Variants in TCIRG1 observed in about 807,000 individuals in gnomAD.
TCIRG1 encodes the protein V-type proton ATPase 116 kDa subunit a 3.
TCIRG1 carries 86 observed loss-of-function variants against 95.5 expected under a neutral mutation model. The observed-to-expected ratio is 0.90, with a 90% CI of 0.76 to 1.08. The LOEUF (loss-of-function observed/expected upper bound fraction) is 1.08. TCIRG1 is among the 50% of genes least tolerant of loss of function. TCIRG1 has a pLI of 0.00. For synonymous variants in TCIRG1, 499 were observed against 501.3 expected, an observed-to-expected ratio of 1.00 and a Z score of 0.06; for missense variants, 1,069 against 1,140.2, an observed-to-expected ratio of 0.94 and a Z score of 0.90.
At chr11:68,046,447 G>A (rs764335174) in intron 10 of TCIRG1, among the ~76,000 whole-genome samples, 32 of 152,288 alleles carry the variant, frequency 2.1e-4, no homozygotes, top group Middle Eastern at 3.4e-3. Flanking sequence ...TGGAGCGGCC[G>A]TCCTCATCTT....
In TCIRG1 at chr11:68,050,181, C is replaced by T. The variant is rs145718040; in HGVS notation, c.2163C>T (p.Ile721=). ...TCATGCACCAGGCCATCCACACCAT[C>T]GAGTTCTGCCTGGGCTGCGTCTCCA... is the stretch of plus-strand genomic sequence containing the variant. ...EVLMHQAIHT[I]EFCLGCVSNT... The change falls in exon 18 of 20, where the codon ATC becomes ATT. Residue 721 remains isoleucine (I), a synonymous_variant. Transcript: ENST00000265686. 4.2e-4 allele frequency: 677 copies of T among 1,613,704 alleles called. 1 individual carries two copies. In the Middle Eastern group the frequency reaches 4.9e-3, roughly 12 times the overall value.
rs750773647 is a variant in TCIRG1 at position 68,041,740 on chromosome 11, G to C, written c.118-13G>C. ...CTTCCCGGGACACTCACCCCTCCGT[G>C]TGGCACCCACAGCTCAACGCCTCGG... On this transcript the variant is annotated splice_polypyrimidine_tract_variant and intron_variant, in intron 2 of 19. Coordinates refer to ENST00000265686, the MANE Select transcript of TCIRG1 (RefSeq NM_006019.4). 1 of 1,605,138 alleles carries C rather than the reference G, an allele frequency of 6.2e-7. No homozygotes were observed. Among genetic ancestry groups the C allele is most frequent in the South Asian group, 1.1e-5 (1 of 89,562 alleles).
chr11:68,050,903 CTCG>C, downstream of TCIRG1: 1 of 1,446,542 alleles, frequency 6.9e-7, no homozygotes, highest in East Asian at 2.3e-5. Flanking sequence ...GCAGTGATGT[CTCG>C]TCTCTCTTCC....
rs775393308 is a variant in TCIRG1, at chr11:68,050,545, G to A, written c.2295G>A (p.Glu765=). 3.7e-6 allele frequency: 6 copies of A among 1,612,806 alleles called. No individual in the cohort carries two copies. Among genetic ancestry groups the A allele is most frequent in the Non-Finnish European group, 5.1e-6 (6 of 1,180,018 alleles). The change falls in exon 19 of 20, where the codon GAG becomes GAA. Residue 765 remains glutamate, a synonymous_variant. Coordinates refer to ENST00000265686, the MANE Select transcript of TCIRG1 (RefSeq NM_006019.4). ...VMRIGLGLGR[E]VGVAAVVLVP... is the part of the protein sequence containing the mutation. ...GCATAGGCCTGGGCCTGGGCCGGGA[G>A]GTGGGCGTGGCGGCTGTGGTGCTGG...
In TCIRG1 at chr11:68,042,785, C is replaced by T. The variant is rs1018615456; in HGVS notation, c.339C>T (p.Gly113=). 1.3e-6 allele frequency: 2 copies of T among 1,548,068 alleles called. No homozygotes were observed. Among genetic ancestry groups the T allele is most frequent in the African/African-American group, 2.7e-5 (2 of 72,974 alleles). Residue 113 remains glycine, a synonymous_variant, in exon 4 of 20, where the codon GGC becomes GGT. Transcript: ENST00000265686. Reference sequence around the variant, plus strand: ...CCCAGGAGCTGCGGGATGTGCGGGGCAACCAGCAGGCCCTGCGGGCCCAGC... The same window carrying T: ...CCCAGGAGCTGCGGGATGTGCGGGGTAACCAGCAGGCCCTGCGGGCCCAGC... The part of the protein sequence containing the change: ...RLAQELRDVR[G]NQQALRAQLH...
chr11:68,047,080 G>A (rs1439548061), intron 10 of TCIRG1: 8 of 380,950 alleles, frequency 2.1e-5, no homozygotes, highest in Non-Finnish European at 3.5e-5. Context: ...GCGCGAGCTC[G>A]GCTCACTGCA....
intron 5 of TCIRG1, 37 bp downstream of exon 5, chr11:68,043,068 C>G: frequency 1.3e-6 from 2 of 1,549,124 alleles, no homozygotes; most frequent in Non-Finnish European, 1.7e-6. Flanking sequence ...TTCTGGCCAG[C>G]CCAGAACCCC....
Position 68,046,791 on chromosome 11 carries a change from C to G in TCIRG1, c.1166-642C>G. ...CTTGCCATGTGCCAGCTGGGGCTGC[C>G]TGTGGCTCCCTGTCCTCTCTGGCTT... On this transcript the variant is annotated intron_variant, in intron 10 of 19. Coordinates refer to ENST00000265686, the MANE Select transcript of TCIRG1 (RefSeq NM_006019.4). 2 of 447,194 alleles carry G rather than the reference C, an allele frequency of 4.5e-6. 1 individual carries two copies. The highest frequency in any genetic ancestry group is 3.2e-5 in the South Asian group (2 of 62,928). 27.7% of individuals were successfully genotyped at this position (447,194 alleles called of 1,614,324 possible). A position where few individuals can be genotyped will look rare whatever the true frequency, so the allele number is the denominator to read the frequency against.
chr11:68,050,990 G>C, downstream of TCIRG1: 1 of 735,094 alleles, frequency 1.4e-6, no homozygotes, highest in Non-Finnish European at 2.3e-6. Context: ...GTCAAGGCCT[G>C]GACCTGAGCA....
intron 10 of TCIRG1, among the ~76,000 whole-genome samples, chr11:68,045,713 C>T (rs1855447126): frequency 6.6e-6 from 1 of 152,186 alleles, no homozygotes; most frequent in African/African-American, 2.4e-5. Flanking sequence ...ACCACCACGC[C>T]TGGCTAATTT....
In TCIRG1 at chr11:68,047,644, C is replaced by CA. The variant is rs1554997880; in HGVS notation, c.1306-2dup. ...GCCCCTCACCACACCACTGCCCCCC[C>CA]AGATCTGGCAGACTTTCTTCAGGGG... On this transcript the variant is annotated splice_polypyrimidine_tract_variant and splice_region_variant and intron_variant, in intron 11 of 19. Transcript: ENST00000265686. 7 of 1,613,194 alleles carry CA rather than the reference C, an allele frequency of 4.3e-6. No homozygotes were observed. Among genetic ancestry groups the CA allele is most frequent in the Admixed American group, 1.7e-5 (1 of 60,004 alleles).
At chr11:68,042,227 G>A (rs1855202686) in intron 3 of TCIRG1, among the ~76,000 whole-genome samples, 1 of 152,170 alleles carries the variant, frequency 6.6e-6, no homozygotes, top group South Asian at 2.1e-4. Flanking sequence ...CAGGCAAAAG[G>A]GACCCCTGCC....
At chr11:68,041,246 C>G (rs778259261) in intron 1 of TCIRG1, 22 bp from the exon 2 acceptor site, 3 of 1,541,398 alleles carry the variant, frequency 1.9e-6, no homozygotes, top group South Asian at 2.2e-5. Context: ...CCTGACTGGC[C>G]CCCATCCGTG....
In TCIRG1 at chr11:68,050,182, G is replaced by C. The variant is rs148921764; in HGVS notation, c.2164G>C (p.Glu722Gln). 5 of 1,613,696 alleles carry C rather than the reference G, an allele frequency of 3.1e-6. No homozygotes were observed. Among genetic ancestry groups the C allele is most frequent in the Non-Finnish European group, 4.2e-6 (5 of 1,179,942 alleles). The change falls in exon 18 of 20, where the codon GAG (glutamate) becomes CAG (glutamine). Residue 722 changes from glutamate to glutamine, a missense_variant. By Grantham distance (29) the Glu-to-Gln change is conservative (BLOSUM62 2). Coordinates refer to ENST00000265686, the MANE Select transcript of TCIRG1 (RefSeq NM_006019.4). Reference protein sequence around the residue: ...VLMHQAIHTIEFCLGCVSNTA... With the variant: ...VLMHQAIHTIQFCLGCVSNTA... ...CATGCACCAGGCCATCCACACCATC[G>C]AGTTCTGCCTGGGCTGCGTCTCCAA...
intron 10 of TCIRG1, 70 bp from the exon 11 acceptor site, chr11:68,047,363 T>G: frequency 1.4e-6 from 2 of 1,472,876 alleles, no homozygotes; most frequent in Middle Eastern, 1.9e-4. Flanking sequence ...AGGGCCTCCG[T>G]GGCGTCTTGG....
rs903663392 is a variant in TCIRG1 at position 68,047,262 on chromosome 11, C to A, written c.1166-171C>A. ...CTGACCTCGGGTGATGCCCCCCCCC[C>A]CCCCCGTCTCGGCCTCCCAGAGTGC... On this transcript the variant is annotated intron_variant, in intron 10 of 19. Transcript: ENST00000265686. Among the ~76,000 whole-genome samples the A allele has an allele frequency of 7.0e-3, 769 of 109,600 alleles. 105 individuals are homozygous for A. The highest frequency in any genetic ancestry group is 0.026 in the African/African-American group (716 of 27,096). 71.9% of individuals were successfully genotyped at this position (109,600 alleles called of 152,430 possible).
At position 68,047,889 on chromosome 11, in the gene TCIRG1, T is replaced by C; in HGVS notation, c.1471T>C (p.Phe491Leu). 6.2e-7 allele frequency: 1 copy of C among 1,613,602 alleles called. No homozygotes were observed. Among genetic ancestry groups the C allele is most frequent in the Non-Finnish European group, 8.5e-7 (1 of 1,179,960 alleles). Reference protein sequence around the residue: ...MANQSGWSDAFLAQHTMLTLD... With the variant: ...MANQSGWSDALLAQHTMLTLD... ...TCCCCTGCGTTGCCGCAGTGATGCA[T>C]TCCTGGCCCAGCACACGATGCTTAC... is the stretch of plus-strand genomic sequence containing the variant. The change falls in exon 13 of 20, where the codon TTC becomes CTC. Residue 491 changes from phenylalanine (F) to leucine (L), a missense_variant. Phe to Leu is a conservative substitution (Grantham distance 22). Coordinates refer to ENST00000265686, the MANE Select transcript of TCIRG1 (RefSeq NM_006019.4).
At chr11:68,041,420 C>A in intron 2 of TCIRG1, 32 bp downstream of exon 2, 2 of 1,497,104 alleles carry the variant, frequency 1.3e-6, no homozygotes, top group South Asian at 1.1e-5. Flanking sequence ...GGGAAGGGGG[C>A]TACTGCCAAG....
In TCIRG1 at chr11:68,050,524, AGGCCTG is replaced by A; in HGVS notation, c.2285_2290del (p.Leu762_Gly763del). On this transcript the variant is annotated inframe_deletion, in exon 19 of 20. Coordinates refer to ENST00000265686, the MANE Select transcript of TCIRG1 (RefSeq NM_006019.4). ...TTCTGTGGGCCATGGTGATGCGCAT[AGGCCTG>A]GGCCTGGGCCGGGAGGTGGGCGTGG... is the stretch of plus-strand genomic sequence containing the variant. The A allele has an allele frequency of 1.9e-6, 3 of 1,613,774 alleles. No individual in the cohort carries two copies. The highest frequency in any genetic ancestry group is 2.5e-6 in the Non-Finnish European group (3 of 1,180,004).
Sources: gnomAD v4.1 joint callset for allele counts (sites outside exome capture counted in the v4.1 genomes callset) on GRCh38, gnomAD v4.1.1 for gene constraint, MANE v1.5 for transcripts, NCBI Gene and HGNC (gene_info 2026-07-23, HGNC 2026-07-21) for gene names.